The following PACS1 variants were observed in gnomAD, a reference collection of about 807,000 sequenced individuals.
PACS1 encodes the protein PACS-1.
A neutral mutation model predicts 115.0 loss-of-function variants in PACS1; 24 were observed. The observed-to-expected ratio is 0.21, with a 90% CI of 0.15 to 0.29. The LOEUF (loss-of-function observed/expected upper bound fraction) is 0.29. Among genes scored for constraint, PACS1 ranks in the 10% least tolerant of loss-of-function variants. PACS1 has a pLI of 1.00. For synonymous variants in PACS1, 453 were observed against 504.5 expected (o/e 0.90, Z 1.37); for missense variants, 838 against 1,251.2 (o/e 0.67, Z 4.98).
At chr11:66,171,091 T>C (rs1238801790) in intron 1 of PACS1, among the ~76,000 whole-genome samples, 1 of 150,434 alleles carries the variant, frequency 6.6e-6, no homozygotes, top group Non-Finnish European at 1.5e-5. Context: ...TAATTATCAA[T>C]TACTAAGAGA....
At chr11:66,179,686 T>C (rs1315585850) in intron 1 of PACS1, among the ~76,000 whole-genome samples, 1 of 152,218 alleles carries the variant, frequency 6.6e-6, no homozygotes, top group Non-Finnish European at 1.5e-5. Flanking sequence ...GCTCCAGTAC[T>C]CTGGGTTCTA....
chr11:66,219,693 A>C lies in PACS1; in HGVS notation c.979-53A>C, dbSNP rs765998619. The C allele has an allele frequency of 4.4e-6, 6 of 1,375,562 alleles. No individual in the cohort carries two copies. In the South Asian group the frequency reaches 7.0e-5, roughly 16 times the overall value. The allele number at this position is 1,375,562 out of a possible 1,614,324, so 85.2% of individuals were successfully genotyped here. A position where few individuals can be genotyped will look rare whatever the true frequency, so the allele number is the denominator to read the frequency against. On this transcript the variant is annotated intron_variant, in intron 7 of 23. Coordinates refer to ENST00000320580, the MANE Select transcript of PACS1 (RefSeq NM_018026.4). ...GCTCTGGTGGGTGTTTATTGACTTG[A>C]ATTGACCCCAAGTGGACGTTGCTGA...
intron 1 of PACS1, among the ~76,000 whole-genome samples, chr11:66,188,561 T>C (rs1272433729): frequency 6.6e-6 from 1 of 152,220 alleles, no homozygotes; most frequent in African/African-American, 2.4e-5. Flanking sequence ...TATTTTCTGC[T>C]GTAGAAAAAC....
intron 1 of PACS1, among the ~76,000 whole-genome samples, chr11:66,103,774 A>G (rs975163607): frequency 2.5e-4 from 38 of 152,190 alleles, no homozygotes; most frequent in African/African-American, 7.7e-4. Context: ...TCAGCCTCCC[A>G]AAGTGCTGGG....
chr11:66,142,281 T>C (rs943438110), intron 1 of PACS1, among the ~76,000 whole-genome samples: 1 of 152,066 alleles, frequency 6.6e-6, no homozygotes, highest in African/African-American at 2.4e-5. Context: ...CCAGGTAAAA[T>C]GTGTTCATCG....
At chr11:66,170,852 G>C (rs1160479937) in intron 1 of PACS1, among the ~76,000 whole-genome samples, 2 of 146,766 alleles carry the variant, frequency 1.4e-5, no homozygotes, top group Admixed American at 1.3e-4. Context: ...AGAGATTGCA[G>C]TGAGCCGAGA....
At position 66,244,231 on chromosome 11, in the gene PACS1, G is replaced by A. The variant is rs951100725; in HGVS notation, c.*951G>A. ...CTGTCTGTGGCCCCTCAGACATTCT[G>A]TTTCATCTCCCATTCATCTCCCTCC... On this transcript the variant is annotated 3_prime_UTR_variant, in exon 24 of 24. Coordinates refer to ENST00000320580, the MANE Select transcript of PACS1 (RefSeq NM_018026.4). The A allele has an allele frequency of 6.6e-6, 1 of 152,378 alleles. No homozygotes were observed. Among genetic ancestry groups the A allele is most frequent in the African/African-American group, 2.4e-5 (1 of 41,388 alleles). 9.4% of individuals were successfully genotyped at this position (152,378 alleles called of 1,614,324 possible).
At chr11:66,199,632 T>C (rs2134682453) in intron 2 of PACS1, among the ~76,000 whole-genome samples, 1 of 152,074 alleles carries the variant, frequency 6.6e-6, no homozygotes, top group Admixed American at 6.6e-5. Flanking sequence ...AATAACAAAA[T>C]GGCAATAGTA....
At chr11:66,163,114 C>T (rs977746381) in intron 1 of PACS1, among the ~76,000 whole-genome samples, 14 of 151,998 alleles carry the variant, frequency 9.2e-5, no homozygotes, top group African/African-American at 9.7e-5. Context: ...TTTGGGAGAC[C>T]GAGGTGGTTG....
At chr11:66,166,877 T>C (rs1308095854) in intron 1 of PACS1, among the ~76,000 whole-genome samples, 2 of 150,344 alleles carry the variant, frequency 1.3e-5, no homozygotes, top group Admixed American at 1.3e-4. Context: ...GATGCTCATT[T>C]TTCAGATGAG....
At chr11:66,090,330 T>C (rs998555340) in intron 1 of PACS1, among the ~76,000 whole-genome samples, 43 of 147,858 alleles carry the variant, frequency 2.9e-4, no homozygotes, top group African/African-American at 9.2e-4. Context: ...TGGAGCACAG[T>C]GGCATGATCT....
intron 1 of PACS1, among the ~76,000 whole-genome samples, chr11:66,152,710 C>T (rs1430103531): frequency 6.6e-6 from 1 of 152,152 alleles, no homozygotes; most frequent in African/African-American, 2.4e-5. Context: ...AACATCAGCA[C>T]ATTACGTCTC....
intron 1 of PACS1, among the ~76,000 whole-genome samples, chr11:66,174,545 A>G (rs1357021329): frequency 6.6e-6 from 1 of 152,212 alleles, no homozygotes; most frequent in Non-Finnish European, 1.5e-5. Context: ...TTGTAAATGG[A>G]TAAATAAATA....
intron 2 of PACS1, among the ~76,000 whole-genome samples, chr11:66,196,614 CT>C (rs1361562902): frequency 1.3e-5 from 2 of 151,292 alleles, no homozygotes; most frequent in Non-Finnish European, 3.0e-5. Context: ...AAAATTTGAC[CT>C]TTTTTTTTGT....
chr11:66,139,810 TG>T (rs1469662435), intron 1 of PACS1, among the ~76,000 whole-genome samples: 2 of 152,206 alleles, frequency 1.3e-5, no homozygotes, highest in Non-Finnish European at 1.5e-5. Context: ...GCAGTAAACA[TG>T]GGAATGCAGA....
intron 1 of PACS1, among the ~76,000 whole-genome samples, chr11:66,187,531 C>T (rs958225686): frequency 2.0e-5 from 3 of 152,122 alleles, no homozygotes; most frequent in Non-Finnish European, 4.4e-5. Context: ...ACTTTTTTAG[C>T]TTCCATGTGT....
chr11:66,227,414 A>G (rs991326655), intron 10 of PACS1, 90 bp from the exon 11 acceptor site: 1 of 725,920 alleles, frequency 1.4e-6, no homozygotes, highest in Non-Finnish European at 2.4e-6. Flanking sequence ...GATTAAATGA[A>G]AGTATTTTAA....
chr11:66,111,775 T>C (rs1011954157), intron 1 of PACS1, among the ~76,000 whole-genome samples: 2 of 152,070 alleles, frequency 1.3e-5, no homozygotes, highest in Non-Finnish European at 2.9e-5. Context: ...TCAGCCTCCC[T>C]AGGTGCTGGG....
chr11:66,134,918 T>G (rs1270256853), intron 1 of PACS1, among the ~76,000 whole-genome samples: 1 of 152,154 alleles, frequency 6.6e-6, no homozygotes, highest in Non-Finnish European at 1.5e-5. Context: ...ACCTCAAAAA[T>G]ATCTTATTTC....
Sources: gnomAD v4.1 joint callset for allele counts (sites outside exome capture counted in the v4.1 genomes callset) on GRCh38, gnomAD v4.1.1 for gene constraint, MANE v1.5 for transcripts, NCBI Gene and HGNC (gene_info 2026-07-23, HGNC 2026-07-21) for gene names.